Variants in ATP13A4 observed in about 807,000 individuals in gnomAD.
The protein encoded by ATP13A4 is probable cation-transporting ATPase 13A4.
In ATP13A4, 114 loss-of-function variants were observed where a neutral mutation model predicts 142.5. The observed-to-expected ratio is 0.80, with a 90% confidence interval of 0.69 to 0.93. The LOEUF (loss-of-function observed/expected upper bound fraction) is 0.93. ATP13A4 is among the 40% of genes least tolerant of loss of function. ATP13A4 has a pLI of 0.00. For synonymous variants in ATP13A4, 488 were observed against 514.8 expected, an observed-to-expected ratio of 0.95 and a Z score of 0.70; for missense variants, 1,392 against 1,454.0, an observed-to-expected ratio of 0.96 and a Z score of 0.69.
intron 3 of ATP13A4, among the ~76,000 whole-genome samples, chr3:193,500,670 AG>A (rs1720493233): frequency 6.6e-6 from 1 of 152,228 alleles, no homozygotes; most frequent in Non-Finnish European, 1.5e-5. Context: ...CCGGCTTGCC[AG>A]CAGCTCACCT....
chr3:193,418,035 T>G (rs1452031334), intron 25 of ATP13A4, among the ~76,000 whole-genome samples: 1 of 132,534 alleles, frequency 7.5e-6, no homozygotes, highest in African/African-American at 2.9e-5. Context: ...GGCAGGAGAA[T>G]GGCGTGAACC....
At chr3:193,571,672 C>T (rs186537046) in intron 2 of ATP13A4, among the ~76,000 whole-genome samples, 47 of 152,226 alleles carry the variant, frequency 3.1e-4, no homozygotes, top group African/African-American at 1.1e-3. Flanking sequence ...ATCAGACAAA[C>T]CCCAATTGAA....
At chr3:193,441,783 CACTT>C (rs1180135043) in intron 19 of ATP13A4, among the ~76,000 whole-genome samples, 195 bp from the exon 20 acceptor site, 2 of 152,180 alleles carry the variant, frequency 1.3e-5, no homozygotes, top group Non-Finnish European at 2.9e-5. Context: ...AGGAGAATAA[CACTT>C]ACTCATGTCC....
chr3:193,440,696 A>G, intron 20 of ATP13A4, 59 bp from the exon 21 acceptor site: 2 of 1,543,104 alleles, frequency 1.3e-6, no homozygotes, highest in Admixed American at 3.4e-5. Context: ...ACATGAAATA[A>G]TTACTAACAC....
chr3:193,398,975 A>T lies in ATP13A4; in HGVS notation c.*3677T>A, dbSNP rs1231951251. Among the ~76,000 whole-genome samples the T allele has an allele frequency of 6.6e-6, 1 of 152,258 alleles. No individual in the cohort carries two copies. Among genetic ancestry groups the T allele is most frequent in the Non-Finnish European group, 1.5e-5 (1 of 68,046 alleles). The stretch of plus-strand genomic sequence containing the variant: ...ACCGCAGAGAGAGAGACTGATTTTT[A>T]TAACAACTGAATTTATTATAGCATA... On this transcript the variant is annotated 3_prime_UTR_variant, in exon 30 of 30. Transcript: ENST00000342695.
intron 2 of ATP13A4, among the ~76,000 whole-genome samples, chr3:193,573,237 T>C (rs1724308560): frequency 8.0e-6 from 1 of 125,076 alleles, no homozygotes; most frequent in South Asian, 2.6e-4. Context: ...ATACCACAGA[T>C]GAACTTTAAC....
intron 1 of ATP13A4, among the ~76,000 whole-genome samples, chr3:193,538,892 C>CTTTTT (rs67132373): frequency 8.3e-5 from 10 of 120,850 alleles, no homozygotes; most frequent in African/African-American, 1.5e-4. Context: ...TTGGTTTTTT[C>CTTTTT]TTTTTTTTTT....
chr3:193,590,962 A>G (rs898577213), intron 1 of ATP13A4, among the ~76,000 whole-genome samples: 1 of 152,246 alleles, frequency 6.6e-6, no homozygotes, highest in African/African-American at 2.4e-5. Flanking sequence ...TTTTTTGTAT[A>G]TAAGAATTGA....
Position 193,502,505 on chromosome 3 carries a change from C to A in ATP13A4, c.369G>T (p.Lys123Asn). 1 of 1,614,030 alleles carries A rather than the reference C, an allele frequency of 6.2e-7. No individual in the cohort carries two copies. Among genetic ancestry groups the A allele is most frequent in the South Asian group, 1.1e-5 (1 of 91,074 alleles). The change falls in exon 3 of 30, where the codon AAG becomes AAT. Residue 123 changes from lysine (K) to asparagine (N), a missense_variant. Lys to Asn is a moderately conservative substitution (Grantham distance 94). Transcript: ENST00000342695. ...EEYIINRAIR[K>N]PDLKVRCIKV... ...TAAGTTTACTTACCTTTAGGTCTGG[C>A]TTTCTTATGGCTCTATTTATGATAT...
chr3:193,558,421 C>G (rs1323734073), upstream of ATP13A4, among the ~76,000 whole-genome samples: 2 of 152,194 alleles, frequency 1.3e-5, no homozygotes, highest in East Asian at 3.8e-4. Flanking sequence ...GGATTCCATT[C>G]ACTCATTCAC....
At chr3:193,406,542 A>G (rs1714506109) in intron 29 of ATP13A4, among the ~76,000 whole-genome samples, 1 of 152,234 alleles carries the variant, frequency 6.6e-6, no homozygotes, top group Admixed American at 6.5e-5. Flanking sequence ...AGTACTGAGC[A>G]GGGAGAGCGT....
chr3:193,417,971 A>C (rs1715171653), intron 25 of ATP13A4, among the ~76,000 whole-genome samples: 1 of 144,978 alleles, frequency 6.9e-6, no homozygotes, highest in Non-Finnish European at 1.5e-5. Flanking sequence ...AAATACAAAA[A>C]ATTAGCCGGG....
intron 25 of ATP13A4, among the ~76,000 whole-genome samples, chr3:193,431,793 A>C (rs1223161339): frequency 6.6e-6 from 1 of 151,520 alleles, no homozygotes; most frequent in Non-Finnish European, 1.5e-5. Flanking sequence ...TATATATGAA[A>C]ACAAGTAAAT....
intron 2 of ATP13A4, among the ~76,000 whole-genome samples, chr3:193,581,518 C>A (rs1700692738): frequency 6.6e-6 from 1 of 152,136 alleles, no homozygotes; most frequent in Non-Finnish European, 1.5e-5. Flanking sequence ...GACGTGATAA[C>A]CACGTGCCTA....
At position 193,491,190 on chromosome 3, in the gene ATP13A4, A is replaced by C. The variant is rs977311100; in HGVS notation, c.603+139T>G. 22 of 750,676 alleles carry C rather than the reference A, an allele frequency of 2.9e-5. No individual in the cohort carries two copies. In the African/African-American group the frequency reaches 3.8e-4, roughly 13 times the overall value. 46.5% of individuals were successfully genotyped at this position (750,676 alleles called of 1,614,324 possible). ...AGAAAAAGAGTAAGCAAGAGATATGAGGATAATATGCTTGGCATACTTTCA... is the reference window on the plus strand; with the variant it reads ...AGAAAAAGAGTAAGCAAGAGATATGCGGATAATATGCTTGGCATACTTTCA... On this transcript the variant is annotated intron_variant, in intron 6 of 29. Coordinates refer to ENST00000342695, the MANE Select transcript of ATP13A4 (RefSeq NM_032279.4).
intron 18 of ATP13A4, among the ~76,000 whole-genome samples, chr3:193,443,791 T>G (rs1191703452): frequency 6.6e-6 from 1 of 151,964 alleles, no homozygotes; most frequent in East Asian, 1.9e-4. Flanking sequence ...AAATATAAAC[T>G]GTGGGAAAAA....
intron 3 of ATP13A4, among the ~76,000 whole-genome samples, chr3:193,501,771 A>T (rs767877064): frequency 2.0e-5 from 3 of 152,122 alleles, no homozygotes; most frequent in Non-Finnish European, 4.4e-5. Context: ...TATGAATGTT[A>T]ACTAGTCATA....
intron 25 of ATP13A4, among the ~76,000 whole-genome samples, chr3:193,426,144 T>TA (rs1437634163): frequency 6.6e-6 from 1 of 151,764 alleles, no homozygotes; most frequent in Admixed American, 6.6e-5. Flanking sequence ...AGAAAGCTGA[T>TA]AAAATTAATA....
chr3:193,429,384 T>C (rs964256792), intron 25 of ATP13A4, among the ~76,000 whole-genome samples: 1 of 152,090 alleles, frequency 6.6e-6, no homozygotes, highest in Non-Finnish European at 1.5e-5. Flanking sequence ...AGCCAACAGG[T>C]GGGAGCACCC....
Sources: gnomAD v4.1 joint callset for allele counts (sites outside exome capture counted in the v4.1 genomes callset) on GRCh38, gnomAD v4.1.1 for gene constraint, MANE v1.5 for transcripts, NCBI Gene and HGNC (gene_info 2026-07-23, HGNC 2026-07-21) for gene names.